Variants in PRELID2 observed in about 807,000 individuals in gnomAD.
The protein encoded by PRELID2 is PRELI domain-containing protein 2.
Under a neutral mutation model 28.4 loss-of-function variants are expected in PRELID2, and 25 were observed. The ratio of observed to expected loss-of-function variants is 0.88; its 90% CI spans 0.64 to 1.23. The LOEUF is 1.23. Ranked by LOEUF, PRELID2 falls within the 50% of genes most tolerant of loss-of-function variation. The pLI, the probability that PRELID2 is intolerant of heterozygous loss-of-function variation, is 0.00. For synonymous variants in PRELID2, 76 were observed against 71.6 expected (o/e 1.06, Z -0.31); for missense variants, 201 against 214.4 (o/e 0.94, Z 0.39).
At chr5:145,466,711 T>C in the PRELID2 span, among the ~76,000 whole-genome samples, 2 of 152,082 alleles carry the variant, frequency 1.3e-5, no homozygotes, top group African/African-American at 4.8e-5. Context: ...AACAAACAGA[T>C]ATAGGGCTTT....
chr5:145,351,855 C>A, the PRELID2 span, among the ~76,000 whole-genome samples: 1 of 152,118 alleles, frequency 6.6e-6, no homozygotes, highest in Non-Finnish European at 1.5e-5. Flanking sequence ...GGGTTACATG[C>A]CCCTTGAAGT....
chr5:145,355,748 AAT>A, the PRELID2 span, among the ~76,000 whole-genome samples: 1 of 152,162 alleles, frequency 6.6e-6, no homozygotes, highest in African/African-American at 2.4e-5. Context: ...ACCATTTACT[AAT>A]AGTGTTACTG....
intron 2 of PRELID2, 57 bp from the exon 3 acceptor site, chr5:145,820,075 G>C (rs1032765623): frequency 9.5e-7 from 1 of 1,054,598 alleles, no homozygotes; most frequent in African/African-American, 1.6e-5. Flanking sequence ...TCTTTTCTTA[G>C]TGTCAATAAA....
chr5:145,819,790 T>A (rs1273356680), intron 3 of PRELID2, 155 bp downstream of exon 3: 1 of 637,294 alleles, frequency 1.6e-6, no homozygotes, highest in Admixed American at 3.2e-5. Flanking sequence ...AAAAGTGAGG[T>A]TGGATAAGAA....
At chr5:145,808,622 C>T (rs929096155) in intron 4 of PRELID2, among the ~76,000 whole-genome samples, 1 of 152,088 alleles carries the variant, frequency 6.6e-6, no homozygotes, top group Non-Finnish European at 1.5e-5. Flanking sequence ...CAGAGACTCA[C>T]GCCAGGAATC....
intron 1 of PRELID2, among the ~76,000 whole-genome samples, chr5:145,669,221 T>A (rs1252212499): frequency 6.6e-6 from 1 of 152,268 alleles, no homozygotes; most frequent in South Asian, 2.1e-4. Context: ...CAATATTGGA[T>A]AGGAAAACAA....
Position 145,497,380 on chromosome 5 carries a change from A to G in PRELID2, n.71-24065T>C, listed in dbSNP as rs74675223. The stretch of plus-strand genomic sequence containing the variant: ...TGTAACGTTATGGCTATATGTCTTT[A>G]TTAATGATCTCTTCCCTTTTCTGTA... On this transcript the variant is annotated intron_variant and non_coding_transcript_variant, in intron 1 of 2. Transcript: ENST00000510259. Among the ~76,000 whole-genome samples, 17 of 151,688 alleles carry G rather than the reference A, an allele frequency of 1.1e-4. No individual in the cohort carries two copies. In the East Asian group the frequency reaches 3.1e-3, roughly 28 times the overall value.
At chr5:145,557,205 C>T (rs1274506196) in intron 1 of PRELID2, among the ~76,000 whole-genome samples, 1 of 152,186 alleles carries the variant, frequency 6.6e-6, no homozygotes, top group South Asian at 2.1e-4. Context: ...AGAAACAGTG[C>T]TTGACAACCA....
chr5:145,624,554 A>G (rs1423080550), intron 1 of PRELID2, among the ~76,000 whole-genome samples: 3 of 152,294 alleles, frequency 2.0e-5, no homozygotes, highest in East Asian at 1.9e-4. Context: ...GGAAAAACTG[A>G]AACTATGTAT....
At chr5:145,356,801 T>C in the PRELID2 span, among the ~76,000 whole-genome samples, 4 of 152,226 alleles carry the variant, frequency 2.6e-5, no homozygotes, top group Admixed American at 2.6e-4. Context: ...CATCTTGTTG[T>C]TAGCAGATTA....
chr5:145,388,011 G>C, the PRELID2 span, among the ~76,000 whole-genome samples: 1 of 149,636 alleles, frequency 6.7e-6, no homozygotes, highest in African/African-American at 2.4e-5. Context: ...TATTTAAAGA[G>C]GCTTATCATT....
intron 1 of PRELID2, among the ~76,000 whole-genome samples, chr5:145,746,052 T>A (rs1756982233): frequency 6.6e-6 from 1 of 152,096 alleles, no homozygotes; most frequent in Non-Finnish European, 1.5e-5. Flanking sequence ...TACAATCCAC[T>A]GCAAAAACAC....
At chr5:145,697,080 T>TATATATATATATATATATACAC (rs1554084239) in intron 1 of PRELID2, among the ~76,000 whole-genome samples, 1 of 85,962 alleles carries the variant, frequency 1.2e-5, no homozygotes, top group African/African-American at 5.1e-5. Context: ...TATATATATA[T>TATATATATATATATATATACAC]ACACACACAC....
chr5:145,267,405 T>A, the PRELID2 span, among the ~76,000 whole-genome samples: 1 of 152,158 alleles, frequency 6.6e-6, no homozygotes, highest in Non-Finnish European at 1.5e-5. Flanking sequence ...ACACTCAGTA[T>A]TAACCATCAC....
At chr5:145,426,402 T>C in the PRELID2 span, among the ~76,000 whole-genome samples, 1 of 152,182 alleles carries the variant, frequency 6.6e-6, no homozygotes, top group African/African-American at 2.4e-5. Context: ...ACATCTTAAA[T>C]GGCAAAGACT....
intron 4 of PRELID2, among the ~76,000 whole-genome samples, chr5:145,803,735 T>A (rs1373485243): frequency 3.5e-3 from 472 of 134,508 alleles, no homozygotes; most frequent in Middle Eastern, 7.8e-3. Context: ...CAATTTAAAG[T>A]AAAAAAAAAA....
At chr5:145,493,274 C>A (rs1456704411) in intron 1 of PRELID2, among the ~76,000 whole-genome samples, 2 of 152,204 alleles carry the variant, frequency 1.3e-5, no homozygotes, top group East Asian at 3.9e-4. Context: ...CTGCCTATGT[C>A]CAGATGATCA....
At chr5:145,826,683 T>A (rs1176959144) in intron 1 of PRELID2, among the ~76,000 whole-genome samples, 1 of 152,064 alleles carries the variant, frequency 6.6e-6, no homozygotes, top group Non-Finnish European at 1.5e-5. Flanking sequence ...TTTTTACATA[T>A]TAAAAGATAA....
chr5:145,296,611 C>A, the PRELID2 span, among the ~76,000 whole-genome samples: 334 of 152,168 alleles, frequency 2.2e-3, 2 homozygotes, highest in African/African-American at 7.7e-3. Context: ...TTTCGGTTGG[C>A]TCCAAGTCTT....
Sources: allele counts gnomAD v4.1 joint callset (sites outside exome capture counted in the v4.1 genomes callset), GRCh38; gene constraint gnomAD v4.1.1; transcripts MANE v1.5; gene names NCBI Gene and HGNC (gene_info 2026-07-23, HGNC 2026-07-21).